BRI3: variants seen among roughly 807,000 people sequenced by gnomAD.
BRI3 encodes the protein brain protein I3.
A neutral mutation model predicts 12.8 loss-of-function variants in BRI3; 6 were observed. The ratio of observed to expected loss-of-function variants is 0.47; its 90% confidence interval spans 0.26 to 0.93. The LOEUF is 0.93. Ranked by LOEUF, BRI3 falls within the 40% of genes least tolerant of loss-of-function variation. BRI3 has a pLI of 0.15. For synonymous variants in BRI3, 91 were observed against 76.1 expected (o/e 1.20, Z -1.02); for missense variants, 134 against 171.1 (o/e 0.78, Z 1.21).
downstream of BRI3, among the ~76,000 whole-genome samples, chr7:98,295,794 C>T (rs1317509120): frequency 6.6e-6 from 1 of 152,174 alleles, no homozygotes; most frequent in African/African-American, 2.4e-5. Context: ...TTCAGAGCCT[C>T]CTGGGCCCCC....
chr7:98,288,663 T>C (rs1224995969), intron 2 of BRI3, among the ~76,000 whole-genome samples: 1 of 151,970 alleles, frequency 6.6e-6, no homozygotes, highest in Non-Finnish European at 1.5e-5. Flanking sequence ...GCAGGACTTC[T>C]CAGAGCCTTT....
chr7:98,292,207 C>A, downstream of BRI3: 1 of 199,028 alleles, frequency 5.0e-6, no homozygotes, highest in Non-Finnish European at 1.0e-5. Flanking sequence ...TATGGCAAGG[C>A]TAAAGGAGAG....
At chr7:98,296,630 A>G (rs1800203526), downstream of BRI3, among the ~76,000 whole-genome samples, 1 of 152,198 alleles carries the variant, frequency 6.6e-6, no homozygotes, top group Admixed American at 6.5e-5. Context: ...TCTGTAAAAA[A>G]CAAAAAAACA....
At chr7:98,312,518 C>T (rs77291249), downstream of BRI3, among the ~76,000 whole-genome samples, 3,703 of 152,146 alleles carry the variant, frequency 0.024, 150 homozygotes, top group African/African-American at 0.085. Flanking sequence ...GGGACTAATA[C>T]GGGGATGGTA....
chr7:98,304,851 T>TG (rs1187211074), upstream of BRI3, among the ~76,000 whole-genome samples: 3 of 150,130 alleles, frequency 2.0e-5, no homozygotes, highest in Non-Finnish European at 4.4e-5. Context: ...TTTCTAAACA[T>TG]ATCCTCACAA....
At chr7:98,294,487 C>T (rs988432562), downstream of BRI3, among the ~76,000 whole-genome samples, 4 of 152,308 alleles carry the variant, frequency 2.6e-5, no homozygotes, top group South Asian at 2.1e-4. Context: ...ACTGCCTGCG[C>T]GGGTCACCCG....
At chr7:98,306,517 C>CT (rs1450371876), upstream of BRI3, 1 of 1,614,150 alleles carries the variant, frequency 6.2e-7, no homozygotes, top group East Asian at 2.2e-5. Flanking sequence ...CCAACCCCTC[C>CT]TACCGGCAAA....
At chr7:98,286,306 G>A (rs1041413234) in intron 2 of BRI3, among the ~76,000 whole-genome samples, 1 of 152,220 alleles carries the variant, frequency 6.6e-6, no homozygotes, top group Non-Finnish European at 1.5e-5. Flanking sequence ...GGCCTCTACT[G>A]TCCCAGGGCC....
At chr7:98,302,653 G>T (rs920456377), upstream of BRI3, among the ~76,000 whole-genome samples, 3 of 152,188 alleles carry the variant, frequency 2.0e-5, no homozygotes, top group African/African-American at 7.2e-5. Flanking sequence ...CAAATGACTG[G>T]TTCTTCTACA....
At chr7:98,321,749 C>T in the BRI3 span, among the ~76,000 whole-genome samples, 4 of 152,236 alleles carry the variant, frequency 2.6e-5, no homozygotes, top group South Asian at 2.1e-4. Flanking sequence ...CAAACAATGC[C>T]GACCAACAGC....
At chr7:98,310,542 G>C (rs200900587), downstream of BRI3, 8 of 1,594,818 alleles carry the variant, frequency 5.0e-6, no homozygotes, top group African/African-American at 8.1e-5. Flanking sequence ...CTGAAGGAGC[G>C]GGGGGCATCT....
At position 98,281,889 on chromosome 7, in the gene BRI3, G is replaced by T; in HGVS notation, c.94G>T (p.Ala32Ser). Reference sequence around the variant, plus strand: ...CGCGTGCGGCCCGCACGGCTACGGCGCCATCCCCGCCGCGCCCCCGCCGCC... The same window carrying T: ...CGCGTGCGGCCCGCACGGCTACGGCTCCATCCCCGCCGCGCCCCCGCCGCC... ...DYACGPHGYG[A>S]IPAAPPPPPY... The change falls in exon 1 of 3, where the codon GCC becomes TCC. Residue 32 changes from alanine to serine, a missense_variant. By Grantham distance (99) the Ala-to-Ser change is moderately conservative (BLOSUM62 1). Transcript: ENST00000297290. 7.7e-7 allele frequency: 1 copy of T among 1,303,574 alleles called. No individual in the cohort carries two copies. Among genetic ancestry groups the T allele is most frequent in the Non-Finnish European group, 9.7e-7 (1 of 1,025,840 alleles). 80.8% of individuals were successfully genotyped at this position (1,303,574 alleles called of 1,614,324 possible).
chr7:98,287,171 G>A (rs10267284), intron 2 of BRI3, among the ~76,000 whole-genome samples: 20 of 152,368 alleles, frequency 1.3e-4, no homozygotes, highest in African/African-American at 4.3e-4. Flanking sequence ...TCCAGCTCCC[G>A]GGCGGCACTG....
At position 98,291,381 on chromosome 7, in the gene BRI3, G is replaced by A. The variant is rs1206845093; in HGVS notation, c.*138G>A. 4.7e-6 allele frequency: 7 copies of A among 1,481,606 alleles called. No homozygotes were observed. Among genetic ancestry groups the A allele is most frequent in the South Asian group, 2.8e-5 (2 of 72,042 alleles). 91.8% of individuals were successfully genotyped at this position (1,481,606 alleles called of 1,614,324 possible). ...GACCGATGTGGCACACGCCAGCTGC[G>A]GTTTCCCGGAGCGTGGAGAGGCAGT... On this transcript the variant is annotated 3_prime_UTR_variant, in exon 3 of 3. Coordinates refer to ENST00000297290, the MANE Select transcript of BRI3 (RefSeq NM_015379.5).
chr7:98,312,284 A>C (rs1584442090), downstream of BRI3: 11 of 1,585,122 alleles, frequency 6.9e-6, no homozygotes, highest in East Asian at 2.3e-5. Flanking sequence ...CAAAAGAAGA[A>C]GACTAAAGAC....
exon 2 of BRI3, chr7:98,308,167 G>A (rs1223821021): frequency 1.7e-6 from 1 of 602,114 alleles, no homozygotes; most frequent in Non-Finnish European, 3.1e-6. Context: ...CAAGGACAAG[G>A]CGGTGTGTGC....
chr7:98,320,073 G>GT, the BRI3 span: 2 of 1,613,290 alleles, frequency 1.2e-6, no homozygotes, highest in Non-Finnish European at 1.7e-6. Context: ...TATATTTCAC[G>GT]TCAAGTTCTA....
downstream of BRI3, chr7:98,312,386 T>C: frequency 9.2e-7 from 1 of 1,081,274 alleles, no homozygotes; most frequent in South Asian, 1.6e-5. Context: ...GTGGGGGCCC[T>C]GGGTTAAACT....
At chr7:98,290,181 G>GTTTTTTTTTTTTTTTTTTTTTTTTTTTT (rs1180326213) in intron 2 of BRI3, among the ~76,000 whole-genome samples, 1 of 102,564 alleles carries the variant, frequency 9.8e-6, no homozygotes, top group Non-Finnish European at 1.8e-5. Context: ...TCTCAAGGTT[G>GTTTTTTTTTTTTTTTTTTTTTTTTTTTT]TTTTTTTTTT....
Sources: gnomAD v4.1 joint callset for allele counts (sites outside exome capture counted in the v4.1 genomes callset) on GRCh38, gnomAD v4.1.1 for gene constraint, MANE v1.5 for transcripts, NCBI Gene and HGNC (gene_info 2026-07-23, HGNC 2026-07-21) for gene names.